SDK1: variants seen among roughly 807,000 people sequenced by gnomAD.
SDK1 encodes the protein protein sidekick-1.
In SDK1, 157 loss-of-function variants were observed where a neutral mutation model predicts 245.5. The ratio of observed to expected loss-of-function variants is 0.64; its 90% CI spans 0.56 to 0.73. SDK1 has a LOEUF of 0.73. SDK1 is among the 30% of genes least tolerant of loss of function. The pLI, the probability that SDK1 is intolerant of heterozygous loss-of-function variation, is 0.00. For missense variants in SDK1, 3,583 were observed against 3,002.3 expected (o/e 1.19, Z -4.52); for synonymous variants, 1,647 against 1,278.5 (o/e 1.29, Z -6.15).
In SDK1 at chr7:3,573,617, T is replaced by A. The variant is rs570081992; in HGVS notation, c.299-45463T>A. 3.3e-5 allele frequency among the ~76,000 whole-genome samples: 5 copies of A among 152,136 alleles called. No homozygotes were observed. The East Asian group carries it at 9.6e-4, about 29-fold the overall frequency. On this transcript the variant is annotated intron_variant, in intron 1 of 44. Transcript: ENST00000404826. ...ATGGCCACTTCTTCCAGAGCCAGCC[T>A]TTGAATATGAAAAAACAATAATCAA...
intron 5 of SDK1, among the ~76,000 whole-genome samples, chr7:3,947,254 C>T (rs1780614147): frequency 6.6e-6 from 1 of 152,180 alleles, no homozygotes. Context: ...CCCTCACCCC[C>T]AATTCTCTTC....
At chr7:4,052,168 TCCCC>T (rs61618165) in intron 19 of SDK1, among the ~76,000 whole-genome samples, 2,246 of 105,908 alleles carry the variant, frequency 0.021, 67 homozygotes, top group South Asian at 0.064. Flanking sequence ...GCTTCCATGA[TCCCC>T]CCCCCCCCGA....
chr7:3,989,345 C>T (rs1322970508), intron 14 of SDK1, among the ~76,000 whole-genome samples: 1 of 152,160 alleles, frequency 6.6e-6, no homozygotes, highest in East Asian at 1.9e-4. Context: ...GGGAACAGCA[C>T]AGGAGAGACC....
At chr7:3,849,240 C>G (rs949884474) in intron 5 of SDK1, among the ~76,000 whole-genome samples, 1 of 152,212 alleles carries the variant, frequency 6.6e-6, no homozygotes, top group Non-Finnish European at 1.5e-5. Flanking sequence ...GCTCCAGCAT[C>G]ATGTCTTCCC....
At chr7:4,234,326 T>C (rs573368492) in intron 41 of SDK1, among the ~76,000 whole-genome samples, 3 of 152,006 alleles carry the variant, frequency 2.0e-5, no homozygotes, top group East Asian at 3.9e-4. Context: ...CCAGGTCTGC[T>C]CTCAGGGGAG....
At chr7:3,581,456 C>T (rs542863911) in intron 1 of SDK1, among the ~76,000 whole-genome samples, 23 of 152,282 alleles carry the variant, frequency 1.5e-4, no homozygotes, top group African/African-American at 5.5e-4. Context: ...GATGCCATCT[C>T]ACATTAGTCA....
intron 5 of SDK1, among the ~76,000 whole-genome samples, chr7:3,926,255 G>T (rs763051151): frequency 6.6e-6 from 1 of 152,106 alleles, no homozygotes; most frequent in Non-Finnish European, 1.5e-5. Flanking sequence ...TAAACCCTCA[G>T]CCAGAAGGAA....
intron 1 of SDK1, among the ~76,000 whole-genome samples, chr7:3,608,851 A>C (rs1202229): frequency 0.34 from 51,790 of 152,158 alleles, 9,462 homozygotes; most frequent in East Asian, 0.43. Flanking sequence ...TATTAACAAA[A>C]ATATTCACAG....
chr7:3,569,401 T>A (rs1343964876), intron 1 of SDK1, among the ~76,000 whole-genome samples: 1 of 152,178 alleles, frequency 6.6e-6, no homozygotes, highest in Non-Finnish European at 1.5e-5. Context: ...CATGAGATAA[T>A]CTCTGAGAAG....
intron 4 of SDK1, among the ~76,000 whole-genome samples, chr7:3,695,757 C>G (rs1784551898): frequency 6.6e-6 from 1 of 152,138 alleles, no homozygotes; most frequent in Non-Finnish European, 1.5e-5. Flanking sequence ...TGACATAAAT[C>G]TTCAGAAGTA....
chr7:3,979,867 A>G (rs576058550), intron 13 of SDK1, among the ~76,000 whole-genome samples: 9 of 152,314 alleles, frequency 5.9e-5, no homozygotes, highest in African/African-American at 2.2e-4. Flanking sequence ...TTAAAGACCC[A>G]ATTAGCATTT....
rs190736831 is a variant in SDK1 at position 4,066,812 on chromosome 7, C to T, written c.2912-1026C>T. ...GCTGTGGGCCCTGCTGTCCCTGAGTCGCAGGCAGGTGGTCCATCTGCATGT... is the reference window on the plus strand; with the variant it reads ...GCTGTGGGCCCTGCTGTCCCTGAGTTGCAGGCAGGTGGTCCATCTGCATGT... On this transcript the variant is annotated intron_variant, in intron 19 of 44. Transcript: ENST00000404826. Among the ~76,000 whole-genome samples the T allele has an allele frequency of 6.1e-3, 929 of 152,334 alleles. 12 individuals carry two copies. The highest frequency in any genetic ancestry group is 0.021 in the African/African-American group (888 of 41,586).
In SDK1 at chr7:4,220,101, G is replaced by T; in HGVS notation, c.5540-8G>T. ...CCCCCTTGTTTCCTTTGCTTCTGGC[G>T]GCTGCAGGGGTGAGCAAGGTGGTGA... On this transcript the variant is annotated splice_polypyrimidine_tract_variant and splice_region_variant and intron_variant, in intron 38 of 44. Coordinates refer to ENST00000404826, the MANE Select transcript of SDK1 (RefSeq NM_152744.4). 6.2e-7 allele frequency: 1 copy of T among 1,611,198 alleles called. No homozygotes were observed.
At chr7:3,638,157 G>A (rs1782528457) in intron 2 of SDK1, among the ~76,000 whole-genome samples, 1 of 152,226 alleles carries the variant, frequency 6.6e-6, no homozygotes, top group South Asian at 2.1e-4. Flanking sequence ...CATGGTTACA[G>A]TGATGAATAA....
intron 1 of SDK1, among the ~76,000 whole-genome samples, chr7:3,437,948 T>A (rs1035447276): frequency 2.0e-5 from 3 of 152,178 alleles, no homozygotes; most frequent in Non-Finnish European, 4.4e-5. Context: ...CGTTTGTGTA[T>A]GAGCCTTGGC....
intron 36 of SDK1, 94 bp from the exon 37 acceptor site, chr7:4,208,005 A>G (rs1784320215): frequency 2.2e-6 from 2 of 921,204 alleles, no homozygotes; most frequent in South Asian, 3.2e-5. Context: ...CCCAGAACTC[A>G]GCTCACCCCC....
At chr7:4,180,780 G>T (rs994904228) in intron 35 of SDK1, among the ~76,000 whole-genome samples, 1 of 152,184 alleles carries the variant, frequency 6.6e-6, no homozygotes, top group South Asian at 2.1e-4. Flanking sequence ...GAGCAAGAGA[G>T]CGCAAGAGGG....
chr7:3,366,039 CAA>C (rs59233768), intron 1 of SDK1, among the ~76,000 whole-genome samples: 2 of 140,190 alleles, frequency 1.4e-5, no homozygotes, highest in East Asian at 2.1e-4. Context: ...AATTCTGTCT[CAA>C]AAAAAAAAAA....
At position 4,011,110 on chromosome 7, in the gene SDK1, G is replaced by A. The variant is rs1171686039; in HGVS notation, c.2276G>A (p.Ser759Asn). ...AGGGGCCAGTACAGCGCCGAGACAA[G>A]CAGGTGCGTGAATCCCGCCCCAGGT... ...VGRGQYSAET[S>N]RLMLPEEPPS... is the part of the protein sequence containing the mutation. The change falls in exon 15 of 45, where the codon AGC becomes AAC. Residue 759 changes from serine to asparagine, a missense_variant. Ser to Asn is a conservative substitution (Grantham distance 46, BLOSUM62 1). Coordinates refer to ENST00000404826, the MANE Select transcript of SDK1 (RefSeq NM_152744.4). The A allele has an allele frequency of 6.2e-7, 1 of 1,613,472 alleles. No homozygotes were observed. Among genetic ancestry groups the A allele is most frequent in the Non-Finnish European group, 8.5e-7 (1 of 1,179,980 alleles).
Sources: gnomAD v4.1 joint callset for allele counts (sites outside exome capture counted in the v4.1 genomes callset) on GRCh38, gnomAD v4.1.1 for gene constraint, MANE v1.5 for transcripts, NCBI Gene and HGNC (gene_info 2026-07-23, HGNC 2026-07-21) for gene names.